LRFN2: variants seen among roughly 807,000 people sequenced by gnomAD.
The protein encoded by LRFN2 is leucine-rich repeat and fibronectin type-III domain-containing protein 2.
In LRFN2, 18 loss-of-function variants were observed where a neutral mutation model predicts 37.3. The observed-to-expected ratio is 0.48, with a 90% CI of 0.33 to 0.72. The LOEUF (loss-of-function observed/expected upper bound fraction) is 0.72. LRFN2 is among the 30% of genes least tolerant of loss of function. LRFN2 has a pLI of 0.02. For synonymous variants in LRFN2, 556 were observed against 466.6 expected, an observed-to-expected ratio of 1.19 and a Z score of -2.47; for missense variants, 1,006 against 1,060.7, an observed-to-expected ratio of 0.95 and a Z score of 0.72.
At chr6:40,394,380 T>A (rs1429179221) in intron 2 of LRFN2, among the ~76,000 whole-genome samples, 2 of 152,134 alleles carry the variant, frequency 1.3e-5, no homozygotes, top group Non-Finnish European at 2.9e-5. Context: ...CATTCTCCTA[T>A]TCCCTACTAC....
At chr6:40,482,990 C>T (rs1764871303) in intron 1 of LRFN2, among the ~76,000 whole-genome samples, 1 of 152,252 alleles carries the variant, frequency 6.6e-6, no homozygotes, top group African/African-American at 2.4e-5. Flanking sequence ...CTTGGCCTCT[C>T]CCCGTTCTTG....
intron 1 of LRFN2, among the ~76,000 whole-genome samples, chr6:40,474,299 C>G (rs1218253069): frequency 6.6e-6 from 1 of 152,158 alleles, no homozygotes; most frequent in Non-Finnish European, 1.5e-5. Context: ...AGATTGCTTC[C>G]TTGCCTCTTC....
chr6:40,435,052 T>TATATATATAGATATATAG (rs1482968698), intron 1 of LRFN2, among the ~76,000 whole-genome samples: 1 of 37,536 alleles, frequency 2.7e-5, no homozygotes, highest in South Asian at 1.3e-3. Context: ...TATATATATA[T>TATATATATAGATATATAG]AGAGAGAGAG....
At chr6:40,420,486 C>T (rs538916238) in intron 2 of LRFN2, among the ~76,000 whole-genome samples, 4 of 152,238 alleles carry the variant, frequency 2.6e-5, no homozygotes, top group Non-Finnish European at 5.9e-5. Context: ...GCTTCCCCCC[C>T]AGGCTGGCCT....
chr6:40,501,123 G>A (rs972005598), intron 1 of LRFN2, among the ~76,000 whole-genome samples: 7 of 151,198 alleles, frequency 4.6e-5, no homozygotes, highest in South Asian at 2.1e-4. Context: ...CTCTTCATAC[G>A]CAGGTCATAT....
At chr6:40,430,894 C>CTCTA (rs1223499301) in intron 2 of LRFN2, among the ~76,000 whole-genome samples, 1 of 152,146 alleles carries the variant, frequency 6.6e-6, no homozygotes, top group Non-Finnish European at 1.5e-5. Context: ...TCTAAGTAGG[C>CTCTA]TCTAGGGCTG....
intron 1 of LRFN2, among the ~76,000 whole-genome samples, chr6:40,447,020 G>A (rs10947889): frequency 0.78 from 116,585 of 150,282 alleles, 46,422 homozygotes; most frequent in Middle Eastern, 0.89. Flanking sequence ...TTGGGGCTGC[G>A]TCTCCCCTCA....
At chr6:40,557,763 C>T (rs1302886797) in intron 1 of LRFN2, among the ~76,000 whole-genome samples, 1 of 152,154 alleles carries the variant, frequency 6.6e-6, no homozygotes, top group Admixed American at 6.5e-5. Context: ...TGTGTCTCCT[C>T]TGTTAAATGG....
intron 1 of LRFN2, among the ~76,000 whole-genome samples, chr6:40,476,652 G>A (rs1461391119): frequency 1.3e-5 from 2 of 152,254 alleles, no homozygotes; most frequent in Non-Finnish European, 2.9e-5. Context: ...TAACTTTCCA[G>A]ACAGAGTTAA....
At chr6:40,405,391 A>G (rs1444931116) in intron 2 of LRFN2, among the ~76,000 whole-genome samples, 1 of 152,168 alleles carries the variant, frequency 6.6e-6, no homozygotes, top group African/African-American at 2.4e-5. Context: ...CTTCCTAGAA[A>G]TATCCCCTTT....
chr6:40,547,583 G>C (rs1174522515), intron 1 of LRFN2, among the ~76,000 whole-genome samples: 3 of 152,118 alleles, frequency 2.0e-5, no homozygotes, highest in Non-Finnish European at 1.5e-5. Context: ...TGTCCAGGAG[G>C]CTGGTCAGTG....
chr6:40,586,067 T>A (rs1349015725), intron 1 of LRFN2, among the ~76,000 whole-genome samples: 1 of 152,216 alleles, frequency 6.6e-6, no homozygotes, highest in Admixed American at 6.5e-5. Context: ...CTCTTCTCCC[T>A]CCTGCTCTGG....
intron 1 of LRFN2, among the ~76,000 whole-genome samples, chr6:40,502,026 A>G (rs1283284398): frequency 1.3e-5 from 2 of 152,230 alleles, no homozygotes; most frequent in Non-Finnish European, 2.9e-5. Context: ...GGAGACAGAC[A>G]GACAACTGCA....
intron 1 of LRFN2, among the ~76,000 whole-genome samples, chr6:40,535,768 G>A (rs1766437590): frequency 6.6e-6 from 1 of 152,140 alleles, no homozygotes; most frequent in African/African-American, 2.4e-5. Context: ...AATGCACTGA[G>A]ACTCTTATTA....
intron 1 of LRFN2, among the ~76,000 whole-genome samples, chr6:40,517,777 T>C (rs1326632849): frequency 1.3e-5 from 2 of 152,190 alleles, no homozygotes; most frequent in Non-Finnish European, 2.9e-5. Flanking sequence ...CTTGATGGCA[T>C]AGTGTGTACG....
chr6:40,520,805 C>A (rs922875205), intron 1 of LRFN2, among the ~76,000 whole-genome samples: 6 of 152,172 alleles, frequency 3.9e-5, no homozygotes, highest in Admixed American at 3.3e-4. Context: ...GTCTCCATGG[C>A]AGATGCTTGG....
intron 1 of LRFN2, among the ~76,000 whole-genome samples, chr6:40,461,485 C>T (rs909377149): frequency 1.3e-5 from 2 of 151,970 alleles, no homozygotes; most frequent in African/African-American, 2.4e-5. Context: ...TGATTTCATT[C>T]CTTCGCATAG....
chr6:40,399,159 A>G (rs1762676503), intron 2 of LRFN2, among the ~76,000 whole-genome samples: 1 of 151,718 alleles, frequency 6.6e-6, no homozygotes, highest in Non-Finnish European at 1.5e-5. Context: ...CTCCTCTGTG[A>G]TTCCAGCTGC....
At chr6:40,471,510 C>T (rs182020214) in intron 1 of LRFN2, among the ~76,000 whole-genome samples, 65 of 152,300 alleles carry the variant, frequency 4.3e-4, no homozygotes, top group African/African-American at 1.5e-3. Context: ...GTTGAGCGTT[C>T]AGCCCTAGAG....
Sources: gnomAD v4.1 joint callset for allele counts (sites outside exome capture counted in the v4.1 genomes callset) on GRCh38, gnomAD v4.1.1 for gene constraint, MANE v1.5 for transcripts, NCBI Gene and HGNC (gene_info 2026-07-23, HGNC 2026-07-21) for gene names.